ZYG11A: variants seen among roughly 807,000 people sequenced by gnomAD.
ZYG11A encodes protein zyg-11 homolog A.
In ZYG11A, 62 loss-of-function variants were observed where a neutral mutation model predicts 77.2. The observed-to-expected ratio is 0.80, with a 90% CI of 0.65 to 0.99. The LOEUF (loss-of-function observed/expected upper bound fraction) is 0.99. Among genes scored for constraint, ZYG11A ranks in the 50% least tolerant of loss-of-function variants. The pLI, the probability that ZYG11A is intolerant of heterozygous loss-of-function variation, is 0.00. For missense variants in ZYG11A, 828 were observed against 896.8 expected (o/e 0.92, Z 0.98); for synonymous variants, 315 against 324.6 (o/e 0.97, Z 0.32).
At chr1:52,847,327 A>G (rs1204440621) in intron 1 of ZYG11A, among the ~76,000 whole-genome samples, 2 of 152,126 alleles carry the variant, frequency 1.3e-5, no homozygotes, top group Non-Finnish European at 2.9e-5. Flanking sequence ...GGCCTCCCAA[A>G]GTGCTGGGAT....
chr1:52,885,620 T>G (rs1201914167), intron 11 of ZYG11A, among the ~76,000 whole-genome samples: 1 of 152,236 alleles, frequency 6.6e-6, no homozygotes, highest in Non-Finnish European at 1.5e-5. Context: ...AGAGGTAAAT[T>G]CGTGCTCAGT....
intron 13 of ZYG11A, among the ~76,000 whole-genome samples, chr1:52,888,650 A>G (rs540584012): frequency 1.2e-4 from 19 of 152,250 alleles, no homozygotes; most frequent in African/African-American, 4.3e-4. Context: ...GAGACACTGC[A>G]TCTGGCCAGA....
rs529724422 is a variant in ZYG11A, at chr1:52,866,619, A to G, written c.1391+52A>G. Reference sequence around the variant, plus strand: ...TGGGGTGTTGGCCTTTGGTTATTAAATGCAGAGGCCTGATTAAGGCTGGGA... The same window carrying G: ...TGGGGTGTTGGCCTTTGGTTATTAAGTGCAGAGGCCTGATTAAGGCTGGGA... On this transcript the variant is annotated intron_variant, in intron 6 of 13. Transcript: ENST00000371528. 4.6e-6 allele frequency: 5 copies of G among 1,082,570 alleles called. No individual in the cohort carries two copies. In the South Asian group the frequency reaches 6.9e-5, roughly 15 times the overall value. The allele number at this position is 1,082,570 out of a possible 1,614,324, so 67.1% of individuals were successfully genotyped here. A position where few individuals can be genotyped will look rare whatever the true frequency, so the allele number is the denominator to read the frequency against.
rs1212990691 is a variant in ZYG11A at position 52,893,601 on chromosome 1, C to G, written c.*644C>G. ...CCAACGTGGTAAAACTCCGTCTCTACCAAAAAATACAAAAATTAGCTGAGC... is the reference window on the plus strand; with the variant it reads ...CCAACGTGGTAAAACTCCGTCTCTAGCAAAAAATACAAAAATTAGCTGAGC... On this transcript the variant is annotated 3_prime_UTR_variant, in exon 14 of 14. Transcript: ENST00000371528. 1 of 151,846 alleles carries G rather than the reference C, an allele frequency of 6.6e-6. No homozygotes were observed. Among genetic ancestry groups the G allele is most frequent in the Non-Finnish European group, 1.5e-5 (1 of 68,006 alleles). 9.4% of individuals were successfully genotyped at this position (151,846 alleles called of 1,614,324 possible). A position where few individuals can be genotyped will look rare whatever the true frequency, so the allele number is the denominator to read the frequency against.
intron 1 of ZYG11A, among the ~76,000 whole-genome samples, chr1:52,846,584 A>G (rs1328136054): frequency 2.0e-5 from 3 of 151,474 alleles, no homozygotes; most frequent in East Asian, 3.9e-4. Flanking sequence ...CTCATGATCC[A>G]TCCACCCTGG....
chr1:52,843,689 T>TTTC (rs386366958), intron 1 of ZYG11A, among the ~76,000 whole-genome samples: 2 of 22,116 alleles, frequency 9.0e-5, no homozygotes, highest in African/African-American at 1.1e-3. Flanking sequence ...TCTTTCTTTC[T>TTTC]TTTTTTTTTT....
intron 1 of ZYG11A, among the ~76,000 whole-genome samples, chr1:52,845,635 ATTTTTTTTT>A (rs34141053): frequency 7.2e-6 from 1 of 139,298 alleles, no homozygotes; most frequent in African/African-American, 2.7e-5. Flanking sequence ...TTATTTTTGA[ATTTTTTTTT>A]TTTTTTTTTT....
intron 2 of ZYG11A, 118 bp from the exon 3 acceptor site, chr1:52,856,880 G>T: frequency 9.6e-7 from 1 of 1,047,022 alleles, no homozygotes; most frequent in Non-Finnish European, 1.4e-6. Flanking sequence ...CTAGCACAGA[G>T]CAGTAAATGT....
rs1030925477 is a variant in ZYG11A, at chr1:52,869,804, C to G, written c.1542+2027C>G. On this transcript the variant is annotated intron_variant, in intron 8 of 13. Coordinates refer to ENST00000371528, the MANE Select transcript of ZYG11A (RefSeq NM_001004339.3). ...GGTGGCTGGGCAGAGGGGCTCCTCA[C>G]TTCCCAGTAGGGGCGGCCGGGCAGA... Among the ~76,000 whole-genome samples, 15 of 151,726 alleles carry G rather than the reference C, an allele frequency of 9.9e-5. 1 individual carries two copies. Among genetic ancestry groups the G allele is most frequent in the Admixed American group, 8.5e-4 (13 of 15,264 alleles).
chr1:52,861,469 G>A (rs977954247), intron 4 of ZYG11A, among the ~76,000 whole-genome samples: 2 of 152,190 alleles, frequency 1.3e-5, no homozygotes, highest in Admixed American at 6.5e-5. Flanking sequence ...TTGGGAGGCC[G>A]AAGCGGGTGG....
chr1:52,869,886 G>A (rs1366119306), intron 8 of ZYG11A, among the ~76,000 whole-genome samples: 4 of 148,172 alleles, frequency 2.7e-5, no homozygotes, highest in Admixed American at 6.7e-5. Flanking sequence ...CCTCCCGGAC[G>A]GGGCGGCTGG....
chr1:52,862,607 C>T (rs148420449), intron 4 of ZYG11A, among the ~76,000 whole-genome samples: 3,728 of 152,158 alleles, frequency 0.025, 75 homozygotes, highest in Non-Finnish European at 0.036. Context: ...CCACTGCGCC[C>T]GGCAAGCCCA....
At chr1:52,888,317 G>T (rs929300420) in intron 13 of ZYG11A, among the ~76,000 whole-genome samples, 1 of 152,136 alleles carries the variant, frequency 6.6e-6, no homozygotes, top group Non-Finnish European at 1.5e-5. Context: ...TTATTCTAAA[G>T]TTTATCTGAC....
At chr1:52,866,940 T>C (rs1363388437) in intron 6 of ZYG11A, among the ~76,000 whole-genome samples, 1 of 152,226 alleles carries the variant, frequency 6.6e-6, no homozygotes, top group Non-Finnish European at 1.5e-5. Context: ...TAGTAATTTA[T>C]TCATTTTGTT....
intron 2 of ZYG11A, 149 bp downstream of exon 2, chr1:52,854,779 T>C (rs1645777764): frequency 2.3e-6 from 2 of 883,278 alleles, no homozygotes; most frequent in African/African-American, 1.7e-5. Context: ...GATTCCATGA[T>C]GGAAATTGTC....
intron 10 of ZYG11A, among the ~76,000 whole-genome samples, chr1:52,880,958 G>A (rs1184216585): frequency 6.6e-6 from 1 of 152,148 alleles, no homozygotes; most frequent in Non-Finnish European, 1.5e-5. Flanking sequence ...GTTGTTTTAC[G>A]CCACTAAGTT....
chr1:52,881,486 G>C lies in ZYG11A; in HGVS notation c.1765G>C (p.Val589Leu). 1 of 1,550,566 alleles carries C rather than the reference G, an allele frequency of 6.4e-7. No individual in the cohort carries two copies. Among genetic ancestry groups the C allele is most frequent in the East Asian group, 2.4e-5 (1 of 40,896 alleles). The change falls in exon 11 of 14, where the codon GTC becomes CTC. Residue 589 changes from valine to leucine, a missense_variant. Physicochemically the swap from Val to Leu is conservative, Grantham distance 32. Coordinates refer to ENST00000371528, the MANE Select transcript of ZYG11A (RefSeq NM_001004339.3). ...VLGLLNNIAE[V>L]RELSSKLVTE... Reference sequence around the variant, plus strand: ...TGACCTGTAGAACAACATAGCAGAAGTCAGAGAGCTCTCTTCCAAGCTGGT... The same window carrying C: ...TGACCTGTAGAACAACATAGCAGAACTCAGAGAGCTCTCTTCCAAGCTGGT...
chr1:52,893,841 T>C lies in ZYG11A; in HGVS notation c.*884T>C, dbSNP rs1308283851. 9 of 127,754 alleles carry C rather than the reference T, an allele frequency of 7.0e-5. No individual in the cohort carries two copies. The highest frequency in any genetic ancestry group is 2.7e-4 in the African/African-American group (9 of 33,600). 7.9% of individuals were successfully genotyped at this position (127,754 alleles called of 1,614,324 possible). ...TTTTTTTTTTTTTTGTGACGGAATC[T>C]CGCTCTGTCGCCCAGGCTGGAGTGC... is the stretch of plus-strand genomic sequence containing the variant. On this transcript the variant is annotated 3_prime_UTR_variant, in exon 14 of 14. Coordinates refer to ENST00000371528, the MANE Select transcript of ZYG11A (RefSeq NM_001004339.3).
Position 52,843,083 on chromosome 1 carries a change from C to T in ZYG11A, c.90+110C>T, listed in dbSNP as rs554039782. 5.4e-6 allele frequency: 5 copies of T among 928,098 alleles called. No homozygotes were observed. The South Asian group carries it at 6.6e-5, about 12-fold the overall frequency. 57.5% of individuals were successfully genotyped at this position (928,098 alleles called of 1,614,324 possible). ...CGAGGCACTTGCTGGGGAGTGTGGC[C>T]CGCGCGGGGCTGCGGTCTAGATGCC... is the stretch of plus-strand genomic sequence containing the variant. On this transcript the variant is annotated intron_variant, in intron 1 of 13. Coordinates refer to ENST00000371528, the MANE Select transcript of ZYG11A (RefSeq NM_001004339.3).
Sources: allele counts gnomAD v4.1 joint callset (sites outside exome capture counted in the v4.1 genomes callset), GRCh38; gene constraint gnomAD v4.1.1; transcripts MANE v1.5; gene names NCBI Gene and HGNC (gene_info 2026-07-23, HGNC 2026-07-21).